COX7B2: variants seen among roughly 807,000 people sequenced by gnomAD.
The protein encoded by COX7B2 is cytochrome c oxidase subunit 7B2, also known as cytochrome c oxidase subunit 7B2, mitochondrial.
For synonymous variants in COX7B2, 37 were observed against 32.1 expected (o/e 1.15, Z -0.51); for missense variants, 109 against 95.9 (o/e 1.14, Z -0.57).
At chr4:46,846,900 T>C (rs940642036) in intron 1 of COX7B2, among the ~76,000 whole-genome samples, 13 of 151,990 alleles carry the variant, frequency 8.6e-5, no homozygotes, top group African/African-American at 3.1e-4. Flanking sequence ...TTAGTGAGGC[T>C]AGAAGAGTGT....
At chr4:46,842,816 G>A (rs1312184893) in intron 2 of COX7B2, among the ~76,000 whole-genome samples, 6 of 152,050 alleles carry the variant, frequency 3.9e-5, no homozygotes, top group Non-Finnish European at 8.8e-5. Context: ...GGACATTTAG[G>A]TTGGTTCGAA....
chr4:46,871,882 A>G (rs1718013953), intron 1 of COX7B2, among the ~76,000 whole-genome samples: 1 of 152,200 alleles, frequency 6.6e-6, no homozygotes, highest in Non-Finnish European at 1.5e-5. Context: ...GGGAGTGTAA[A>G]TTATTCCAAC....
intron 2 of COX7B2, among the ~76,000 whole-genome samples, chr4:46,792,437 C>T (rs1328121631): frequency 6.6e-6 from 1 of 152,148 alleles, no homozygotes; most frequent in Non-Finnish European, 1.5e-5. Flanking sequence ...CATCGACCAA[C>T]CCACCCACTG....
At chr4:46,842,839 G>T (rs1716024922) in intron 2 of COX7B2, among the ~76,000 whole-genome samples, 1 of 152,048 alleles carries the variant, frequency 6.6e-6, no homozygotes, top group South Asian at 2.1e-4. Context: ...CTTTGCTATT[G>T]TGAATAGTGC....
intron 2 of COX7B2, among the ~76,000 whole-genome samples, chr4:46,805,769 A>G (rs1718966713): frequency 6.6e-6 from 1 of 152,002 alleles, no homozygotes; most frequent in Non-Finnish European, 1.5e-5. Context: ...ATATACTGTT[A>G]CTCCCTCCTG....
At chr4:46,785,160 T>A (rs975899498) in intron 2 of COX7B2, among the ~76,000 whole-genome samples, 1 of 152,228 alleles carries the variant, frequency 6.6e-6, no homozygotes, top group African/African-American at 2.4e-5. Flanking sequence ...GTCTCATTGC[T>A]TGTGCAGCTA....
chr4:46,835,301 AC>A (rs1464085941), intron 2 of COX7B2, among the ~76,000 whole-genome samples: 2 of 152,180 alleles, frequency 1.3e-5, no homozygotes, highest in Admixed American at 1.3e-4. Context: ...ATATGTTGCA[AC>A]ATTGTTTATA....
At chr4:46,787,668 A>C (rs560667116) in intron 2 of COX7B2, among the ~76,000 whole-genome samples, 2 of 152,294 alleles carry the variant, frequency 1.3e-5, no homozygotes, top group African/African-American at 2.4e-5. Flanking sequence ...TTTGAGATGC[A>C]AGGGCTAAGG....
chr4:46,885,358 AT>A (rs1719020497), intron 1 of COX7B2, among the ~76,000 whole-genome samples: 1 of 152,174 alleles, frequency 6.6e-6, no homozygotes. Context: ...TAATAGAAAT[AT>A]AAAAAATTTT....
chr4:46,877,004 T>C (rs1718383457), intron 1 of COX7B2, among the ~76,000 whole-genome samples: 1 of 152,230 alleles, frequency 6.6e-6, no homozygotes. Flanking sequence ...GAGTTCACAA[T>C]GTTAAGTTTT....
rs566859790 is a variant in COX7B2 at position 46,891,240 on chromosome 4, G to C, written c.-105+17920C>G. Among the ~76,000 whole-genome samples the C allele has an allele frequency of 5.3e-5, 8 of 152,306 alleles. No individual in the cohort carries two copies. In the South Asian group the frequency reaches 1.7e-3, roughly 32 times the overall value. Reference sequence around the variant, plus strand: ...AGTTTGGATATATCATATTTAAGTAGACATTTGAATATGAGTCTGATGTCC... The same window carrying C: ...AGTTTGGATATATCATATTTAAGTACACATTTGAATATGAGTCTGATGTCC... On this transcript the variant is annotated intron_variant, in intron 1 of 2. Coordinates refer to ENST00000355591, the MANE Select transcript of COX7B2 (RefSeq NM_130902.3).
At chr4:46,736,974 A>T (rs940657888) in intron 2 of COX7B2, among the ~76,000 whole-genome samples, 1 of 152,184 alleles carries the variant, frequency 6.6e-6, no homozygotes, top group African/African-American at 2.4e-5. Flanking sequence ...AGGTAAATCA[A>T]GGAGCGTGAT....
intron 2 of COX7B2, among the ~76,000 whole-genome samples, chr4:46,792,420 G>T (rs1430142515): frequency 6.6e-6 from 1 of 152,152 alleles, no homozygotes; most frequent in Non-Finnish European, 1.5e-5. Flanking sequence ...TCCCCAATGA[G>T]GGTGACCATC....
At chr4:46,850,849 G>T (rs1716628013) in intron 1 of COX7B2, among the ~76,000 whole-genome samples, 1 of 152,002 alleles carries the variant, frequency 6.6e-6, no homozygotes, top group Non-Finnish European at 1.5e-5. Flanking sequence ...AGTACCAAAA[G>T]GGCCAGAATT....
intron 2 of COX7B2, among the ~76,000 whole-genome samples, chr4:46,785,904 A>T (rs1717731808): frequency 6.6e-6 from 1 of 152,198 alleles, no homozygotes; most frequent in Admixed American, 6.5e-5. Context: ...CAGAAAAAAA[A>T]TCCATCTTTC....
intron 2 of COX7B2, among the ~76,000 whole-genome samples, chr4:46,758,473 A>G (rs925915837): frequency 6.6e-6 from 1 of 152,158 alleles, no homozygotes; most frequent in Non-Finnish European, 1.5e-5. Flanking sequence ...TTTATTGATG[A>G]AAATTTCATA....
intron 2 of COX7B2, among the ~76,000 whole-genome samples, chr4:46,769,564 A>C: frequency 6.6e-6 from 1 of 152,100 alleles, no homozygotes; most frequent in East Asian, 1.9e-4. Context: ...AAAGTACAAA[A>C]AAAATTAGCC....
chr4:46,822,201 A>C (rs1202571323), intron 2 of COX7B2, among the ~76,000 whole-genome samples: 1 of 152,176 alleles, frequency 6.6e-6, no homozygotes, highest in Non-Finnish European at 1.5e-5. Flanking sequence ...GTGAGCTACC[A>C]AGCCCAGCCT....
At chr4:46,816,800 T>A (rs1719581500) in intron 2 of COX7B2, among the ~76,000 whole-genome samples, 1 of 152,188 alleles carries the variant, frequency 6.6e-6, no homozygotes, top group African/African-American at 2.4e-5. Flanking sequence ...AGACTAGAAA[T>A]AAATCTGTGT....
Sources: allele counts gnomAD v4.1 joint callset (sites outside exome capture counted in the v4.1 genomes callset), GRCh38; gene constraint gnomAD v4.1.1; transcripts MANE v1.5; gene names NCBI Gene and HGNC (gene_info 2026-07-23, HGNC 2026-07-21).